Variants in ZFYVE9 observed in about 807,000 individuals in gnomAD.
ZFYVE9 encodes the protein zinc finger FYVE domain-containing protein 9.
In ZFYVE9, 43 loss-of-function variants were observed where a neutral mutation model predicts 126.7. That is an observed-to-expected ratio of 0.34 (90% CI 0.27 to 0.44). The LOEUF (loss-of-function observed/expected upper bound fraction) is 0.44, where lower values mean the gene tolerates loss of function less well. Among genes scored for constraint, ZFYVE9 ranks in the 20% least tolerant of loss-of-function variants. The pLI, the probability that ZFYVE9 is intolerant of heterozygous loss-of-function variation, is 1.00. For synonymous variants in ZFYVE9, 521 were observed against 597.4 expected, an observed-to-expected ratio of 0.87 and a Z score of 1.87; for missense variants, 1,476 against 1,697.0, an observed-to-expected ratio of 0.87 and a Z score of 2.29.
rs754704749 is a variant in ZFYVE9, at chr1:52,334,672, T to C, written c.3590-16T>C. The C allele has an allele frequency of 1.2e-6, 2 of 1,613,034 alleles. No homozygotes were observed. Among genetic ancestry groups the C allele is most frequent in the South Asian group, 1.1e-5 (1 of 91,042 alleles). On this transcript the variant is annotated splice_polypyrimidine_tract_variant and intron_variant, in intron 14 of 18. Transcript: ENST00000287727. ...TTAGGGTCTGTCTTACTAAACTATT[T>C]CTATTGCTGTTTTAGTGACTGGTGC...
At chr1:52,296,412 A>G (rs1645975753) in intron 12 of ZFYVE9, among the ~76,000 whole-genome samples, 1 of 151,844 alleles carries the variant, frequency 6.6e-6, no homozygotes. Flanking sequence ...TTGGTCAGAG[A>G]TTGTACCCAG....
chr1:52,329,310 C>T (rs1646318911), intron 13 of ZFYVE9, among the ~76,000 whole-genome samples: 2 of 152,068 alleles, frequency 1.3e-5, no homozygotes, highest in South Asian at 4.1e-4. Flanking sequence ...TTAAAACTTA[C>T]CCTTACCTCA....
At chr1:52,256,947 A>G (rs959204688) in intron 4 of ZFYVE9, among the ~76,000 whole-genome samples, 1 of 152,176 alleles carries the variant, frequency 6.6e-6, no homozygotes, top group Non-Finnish European at 1.5e-5. Flanking sequence ...TATTTTTGTC[A>G]TAATTATAGG....
intron 4 of ZFYVE9, among the ~76,000 whole-genome samples, chr1:52,247,306 T>A (rs1398568230): frequency 2.0e-5 from 3 of 152,170 alleles, no homozygotes; most frequent in African/African-American, 7.2e-5. Context: ...TTTTTTTGCA[T>A]CTCTTCTCCT....
At chr1:52,325,880 T>C (rs1306027773) in intron 13 of ZFYVE9, among the ~76,000 whole-genome samples, 1 of 152,226 alleles carries the variant, frequency 6.6e-6, no homozygotes, top group Non-Finnish European at 1.5e-5. Flanking sequence ...TGGAAGTACA[T>C]GATGTGTTAA....
intron 13 of ZFYVE9, among the ~76,000 whole-genome samples, chr1:52,325,047 A>G (rs1196347432): frequency 6.6e-6 from 1 of 152,242 alleles, no homozygotes; most frequent in Non-Finnish European, 1.5e-5. Context: ...TGGGAGGCTG[A>G]GGCGGGCGGA....
chr1:52,211,528 A>T (rs1465790901), intron 1 of ZFYVE9, among the ~76,000 whole-genome samples: 1 of 152,202 alleles, frequency 6.6e-6, no homozygotes, highest in Non-Finnish European at 1.5e-5. Flanking sequence ...TCTGGCAGAA[A>T]TGTTAAGAAG....
intron 13 of ZFYVE9, among the ~76,000 whole-genome samples, chr1:52,316,251 C>T (rs1276288698): frequency 6.7e-6 from 1 of 150,068 alleles, no homozygotes; most frequent in African/African-American, 2.4e-5. Flanking sequence ...TTTGGAAGGC[C>T]AAGGCGGGTG....
chr1:52,274,665 G>A (rs1645728177), intron 8 of ZFYVE9, 81 bp downstream of exon 8: 3 of 1,417,584 alleles, frequency 2.1e-6, no homozygotes, highest in Non-Finnish European at 2.8e-6. Context: ...GACAGAATTT[G>A]AGTGACATTC....
intron 1 of ZFYVE9, among the ~76,000 whole-genome samples, chr1:52,198,921 A>T (rs564582582): frequency 4.3e-4 from 66 of 152,280 alleles, no homozygotes; most frequent in Admixed American, 1.2e-3. Context: ...ATTGGGGTTT[A>T]CTCAATGGTG....
At chr1:52,173,115 T>A (rs1644589487) in intron 1 of ZFYVE9, among the ~76,000 whole-genome samples, 2 of 151,980 alleles carry the variant, frequency 1.3e-5, no homozygotes, top group African/African-American at 2.4e-5. Flanking sequence ...TTTTGCCCAT[T>A]CAGTATGATA....
rs114738837 is a variant in ZFYVE9, at chr1:52,332,133, C to T, written c.3439-635C>T. On this transcript the variant is annotated intron_variant, in intron 13 of 18. Coordinates refer to ENST00000287727, the MANE Select transcript of ZFYVE9 (RefSeq NM_004799.4). ...CAAATGATCATTAACCTGTTTCAGC[C>T]AAGGGTTGGAGTTTAACATCAAGGT... 7.4e-3 allele frequency among the ~76,000 whole-genome samples: 1,122 copies of T among 152,006 alleles called. 15 individuals are homozygous for T. The highest frequency in any genetic ancestry group is 0.026 in the African/African-American group (1,081 of 41,466).
rs146153650 is a variant in ZFYVE9, at chr1:52,201,778, A to T, written c.-142-14591A>T. On this transcript the variant is annotated intron_variant, in intron 1 of 18. Coordinates refer to ENST00000287727, the MANE Select transcript of ZFYVE9 (RefSeq NM_004799.4). Reference sequence around the variant, plus strand: ...CAATTTTTAAAAAAAAAATTATTTTATGTATTTATTTATTTATTTTTTTGA... The same window carrying T: ...CAATTTTTAAAAAAAAAATTATTTTTTGTATTTATTTATTTATTTTTTTGA... Among the ~76,000 whole-genome samples the T allele has an allele frequency of 7.3e-5, 11 of 151,532 alleles. No homozygotes were observed. In the South Asian group the frequency reaches 2.1e-3, roughly 29 times the overall value.
intron 1 of ZFYVE9, among the ~76,000 whole-genome samples, chr1:52,163,652 A>C (rs1644483387): frequency 6.6e-6 from 1 of 152,142 alleles, no homozygotes; most frequent in Admixed American, 6.6e-5. Context: ...CACATATTTC[A>C]TTATTGTGCC....
At chr1:52,148,350 T>G (rs1445717949) in intron 1 of ZFYVE9, among the ~76,000 whole-genome samples, 1 of 151,742 alleles carries the variant, frequency 6.6e-6, no homozygotes, top group Non-Finnish European at 1.5e-5. Flanking sequence ...CACCACTATA[T>G]GGTGGCAGAT....
intron 7 of ZFYVE9, among the ~76,000 whole-genome samples, chr1:52,269,659 G>A (rs1645669500): frequency 6.6e-6 from 1 of 152,132 alleles, no homozygotes; most frequent in Non-Finnish European, 1.5e-5. Context: ...AATATTTCTA[G>A]TTTTTGAATT....
intron 1 of ZFYVE9, among the ~76,000 whole-genome samples, chr1:52,214,705 T>C (rs1452734195): frequency 6.6e-6 from 1 of 152,104 alleles, no homozygotes; most frequent in South Asian, 2.1e-4. Flanking sequence ...TTATAAGGAA[T>C]TGGCTCACAC....
chr1:52,325,335 T>A (rs923272192), intron 13 of ZFYVE9, among the ~76,000 whole-genome samples: 1 of 151,490 alleles, frequency 6.6e-6, no homozygotes, highest in African/African-American at 2.4e-5. Context: ...CTCTAAAAAA[T>A]TAAATAAATA....
At position 52,188,248 on chromosome 1, in the gene ZFYVE9, TCTTA is replaced by T. The variant is rs527767096; in HGVS notation, c.-142-28116_-142-28113del. On this transcript the variant is annotated intron_variant, in intron 1 of 18. Coordinates refer to ENST00000287727, the MANE Select transcript of ZFYVE9 (RefSeq NM_004799.4). Reference sequence around the variant, plus strand: ...GGAACAGAAACCGTATACCACGTGTTCTTACTTATAAGTGAGAGCTAAATGATGA... The same window carrying T: ...GGAACAGAAACCGTATACCACGTGTTCTTATAAGTGAGAGCTAAATGATGA... Among the ~76,000 whole-genome samples, 460 of 152,268 alleles carry T rather than the reference TCTTA, an allele frequency of 3.0e-3. 4 individuals carry two copies. The highest frequency in any genetic ancestry group is 2.7e-3 in the Non-Finnish European group (185 of 68,022).
Sources: allele counts gnomAD v4.1 joint callset (sites outside exome capture counted in the v4.1 genomes callset), GRCh38; gene constraint gnomAD v4.1.1; transcripts MANE v1.5; gene names NCBI Gene and HGNC (gene_info 2026-07-23, HGNC 2026-07-21).